TAF2: variants seen among roughly 807,000 people sequenced by gnomAD.
The protein encoded by TAF2 is transcription initiation factor TFIID subunit 2.
In TAF2, 61 loss-of-function variants were observed where a neutral mutation model predicts 138.5. That is an observed-to-expected ratio of 0.44 (90% CI 0.36 to 0.54). The LOEUF (loss-of-function observed/expected upper bound fraction) is 0.54, where lower values mean the gene tolerates loss of function less well. Ranked by LOEUF, TAF2 falls within the 20% of genes least tolerant of loss-of-function variation. The pLI is 0.00. For missense variants in TAF2, 1,090 were observed against 1,427.9 expected, an observed-to-expected ratio of 0.76 and a Z score of 3.81; for synonymous variants, 475 against 469.9, an observed-to-expected ratio of 1.01 and a Z score of -0.14.
chr8:119,801,787 G>A lies in TAF2; in HGVS notation c.792+7C>T. On this transcript the variant is annotated splice_region_variant and intron_variant, in intron 6 of 25. Transcript: ENST00000378164. ...GAGGAGAGTAAGAGAGGAAAGCTCT[G>A]ACTTACCTCATGCATGTATGGATCT... is the stretch of plus-strand genomic sequence containing the variant. 1 of 1,609,174 alleles carries A rather than the reference G, an allele frequency of 6.2e-7. No individual in the cohort carries two copies. Among genetic ancestry groups the A allele is most frequent in the Non-Finnish European group, 8.5e-7 (1 of 1,175,560 alleles).
chr8:119,772,324 C>A (rs185564567), intron 18 of TAF2, among the ~76,000 whole-genome samples: 25 of 152,236 alleles, frequency 1.6e-4, no homozygotes, highest in Non-Finnish European at 2.9e-4. Context: ...CAGTTGGAAG[C>A]CATTATCCTA....
rs1823565284 is a variant in TAF2 at position 119,793,219 on chromosome 8, A to G, written c.1277+147T>C. The G allele has an allele frequency of 9.1e-6, 5 of 551,812 alleles. No homozygotes were observed. The Admixed American group carries it at 1.6e-4, about 18-fold the overall frequency. 34.2% of individuals were successfully genotyped at this position (551,812 alleles called of 1,614,324 possible). On this transcript the variant is annotated intron_variant, in intron 10 of 25. Coordinates refer to ENST00000378164, the MANE Select transcript of TAF2 (RefSeq NM_003184.4). ...TATTACTTCCAATCTTATGAGCTTTATGAGTCTGTAAGCTTTAGCAAAGAA... is the reference window on the plus strand; with the variant it reads ...TATTACTTCCAATCTTATGAGCTTTGTGAGTCTGTAAGCTTTAGCAAAGAA...
chr8:119,801,885 A>G lies in TAF2; in HGVS notation c.701T>C (p.Phe234Ser). 2 of 1,614,198 alleles carry G rather than the reference A, an allele frequency of 1.2e-6. No homozygotes were observed. The highest frequency in any genetic ancestry group is 8.5e-7 in the Non-Finnish European group (1 of 1,180,024). ...VYTHDMRKKT[F>S]HYMLTIPTAA... is the part of the protein sequence containing the mutation. ...TGTAGGAATGGTAAGCATATAATGG[A>G]AAGTTTTCTTCCTCATATCATGAGT... The change falls in exon 6 of 26, where the codon TTC becomes TCC. Residue 234 changes from phenylalanine (F) to serine (S), a missense_variant. Physicochemically the swap from Phe to Ser is radical, Grantham distance 155. This residue lies in a region of TAF2 where 504 missense variants were observed against 680.9 expected (regional missense o/e 0.74). Transcript: ENST00000378164.
chr8:119,772,890 T>TGG lies in TAF2; in HGVS notation c.2364+5128_2364+5129insCC, dbSNP rs1408641294. 4.8e-3 allele frequency among the ~76,000 whole-genome samples: 727 copies of TGG among 150,526 alleles called. 31 individuals carry two copies. The highest frequency in any genetic ancestry group is 0.041 in the Admixed American group (590 of 14,530). ...AGGTGGAGGTTGCAGTGAGCCGAGA[T>TGG]CATGCCACTGCACTCCAGTCTGGTT... is the stretch of plus-strand genomic sequence containing the variant. On this transcript the variant is annotated intron_variant, in intron 18 of 25. Coordinates refer to ENST00000378164, the MANE Select transcript of TAF2 (RefSeq NM_003184.4).
At chr8:119,786,827 C>G (rs1296684030) in intron 14 of TAF2, among the ~76,000 whole-genome samples, 2 of 152,140 alleles carry the variant, frequency 1.3e-5, no homozygotes, top group African/African-American at 4.8e-5. Flanking sequence ...AAGGCTGACA[C>G]AGGAGAATTG....
chr8:119,826,351 G>C (rs1440421330), intron 2 of TAF2, among the ~76,000 whole-genome samples: 1 of 151,756 alleles, frequency 6.6e-6, no homozygotes, highest in African/African-American at 2.4e-5. Flanking sequence ...CCATGTAAGA[G>C]ATGACTTGCT....
intron 17 of TAF2, 33 bp downstream of exon 17, chr8:119,781,020 A>T: frequency 6.2e-7 from 1 of 1,601,786 alleles, no homozygotes; most frequent in Non-Finnish European, 8.5e-7. Context: ...GAAATATATA[A>T]AAACCATGAG....
chr8:119,738,332 C>G (rs1819371702), intron 25 of TAF2, among the ~76,000 whole-genome samples: 1 of 152,084 alleles, frequency 6.6e-6, no homozygotes, highest in African/African-American at 2.4e-5. Context: ...AGAACTCTAT[C>G]AAGACAATAC....
intron 2 of TAF2, among the ~76,000 whole-genome samples, chr8:119,825,077 A>G (rs546404616): frequency 9.3e-4 from 142 of 152,340 alleles, no homozygotes; most frequent in South Asian, 2.9e-3. Context: ...AGCTGCAGAC[A>G]CTCAACGCCA....
rs1264528235 is a variant in TAF2, at chr8:119,791,721, A to T, written c.1278-262T>A. 7.8e-6 allele frequency: 3 copies of T among 383,232 alleles called. No homozygotes were observed. The East Asian group carries it at 1.5e-4, about 20-fold the overall frequency. The allele number at this position is 383,232 out of a possible 1,614,324, so 23.7% of individuals were successfully genotyped here. A position where few individuals can be genotyped will look rare whatever the true frequency, so the allele number is the denominator to read the frequency against. On this transcript the variant is annotated intron_variant, in intron 10 of 25. Coordinates refer to ENST00000378164, the MANE Select transcript of TAF2 (RefSeq NM_003184.4). ...AAGATACAATACTGTAAATACTTCC[A>T]TTCTCCCCAAATCCATCAATACAAT... is the stretch of plus-strand genomic sequence containing the variant.
intron 18 of TAF2, among the ~76,000 whole-genome samples, chr8:119,769,655 A>G (rs977948496): frequency 1.3e-5 from 2 of 151,990 alleles, no homozygotes; most frequent in Non-Finnish European, 2.9e-5. Flanking sequence ...AAATTCACTT[A>G]AAGCACTTCA....
At chr8:119,760,816 C>G (rs769561362) in intron 19 of TAF2, 78 bp from the exon 20 acceptor site, 70 of 1,582,424 alleles carry the variant, frequency 4.4e-5, no homozygotes, top group Non-Finnish European at 5.7e-5. Flanking sequence ...ATTAGAGAAT[C>G]CTTTGTGGCA....
At chr8:119,751,873 A>C (rs1820376904) in intron 22 of TAF2, among the ~76,000 whole-genome samples, 1 of 152,216 alleles carries the variant, frequency 6.6e-6, no homozygotes, top group Admixed American at 6.5e-5. Context: ...CATTAGTTTA[A>C]AAGCTGTCAT....
At position 119,783,441 on chromosome 8, in the gene TAF2, T is replaced by C; in HGVS notation, c.2052A>G (p.Ile684Met). The C allele has an allele frequency of 1.9e-6, 3 of 1,614,168 alleles. No homozygotes were observed. Among genetic ancestry groups the C allele is most frequent in the East Asian group, 2.2e-5 (1 of 44,870 alleles). ...TGTAGAAACACTGCTCTTGTTCTAA[T>C]ATATCAGTGAGTGCAAGCCGAGATG... is the stretch of plus-strand genomic sequence containing the variant. The part of the protein sequence containing the change: ...TPASRLALTD[I>M]LEQEQCFYRV... The change falls in exon 16 of 26, where the codon ATA (isoleucine) becomes ATG (methionine). Residue 684 changes from isoleucine to methionine, a missense_variant. This residue lies in a region of TAF2 where 580 missense variants were observed against 719.6 expected (regional missense o/e 0.81). Transcript: ENST00000378164.
At chr8:119,756,499 A>G (rs1414441340) in intron 21 of TAF2, among the ~76,000 whole-genome samples, 1 of 152,208 alleles carries the variant, frequency 6.6e-6, no homozygotes, top group Admixed American at 6.5e-5. Flanking sequence ...AGATATATCT[A>G]CAATGACTGG....
chr8:119,761,047 C>CTATA (rs1182519338), intron 19 of TAF2, among the ~76,000 whole-genome samples: 1 of 152,102 alleles, frequency 6.6e-6, no homozygotes, highest in African/African-American at 2.4e-5. Flanking sequence ...TAATAATGTC[C>CTATA]TATACCTTCA....
At chr8:119,783,737 T>A in intron 15 of TAF2, 104 bp from the exon 16 acceptor site, 4 of 1,398,938 alleles carry the variant, frequency 2.9e-6, no homozygotes, top group Non-Finnish European at 2.9e-6. Flanking sequence ...TCCTTTTAGA[T>A]GTAGTATTCA....
intron 2 of TAF2, among the ~76,000 whole-genome samples, chr8:119,827,030 C>T (rs763278385): frequency 7.2e-5 from 11 of 152,092 alleles, no homozygotes; most frequent in Non-Finnish European, 1.6e-4. Flanking sequence ...TCCGTCTCTA[C>T]AAAAAATACA....
chr8:119,798,709 A>G (rs1031412979), intron 6 of TAF2, among the ~76,000 whole-genome samples: 14 of 152,206 alleles, frequency 9.2e-5, no homozygotes, highest in Non-Finnish European at 1.9e-4. Context: ...AAGCCATGCT[A>G]AAGAGTTCTA....
Sources: allele counts gnomAD v4.1 joint callset (sites outside exome capture counted in the v4.1 genomes callset), GRCh38; gene constraint gnomAD v4.1.1; regional missense constraint gnomAD v4.1.1; transcripts MANE v1.5; gene names NCBI Gene and HGNC (gene_info 2026-07-23, HGNC 2026-07-21).